DHX35: variants seen among roughly 807,000 people sequenced by gnomAD.
DHX35 encodes probable ATP-dependent RNA helicase DHX35.
In DHX35, 84 loss-of-function variants were observed where a neutral mutation model predicts 99.6. The ratio of observed to expected loss-of-function variants is 0.84; its 90% CI spans 0.71 to 1.01. The LOEUF (loss-of-function observed/expected upper bound fraction) is 1.01. Among genes scored for constraint, DHX35 ranks in the 50% least tolerant of loss-of-function variants. The probability of loss-of-function intolerance (pLI) is 0.00; values close to 1 mark genes in which losing one functional copy is unlikely to be tolerated. For missense variants in DHX35, 852 were observed against 888.5 expected (o/e 0.96, Z 0.52); for synonymous variants, 331 against 316.2 (o/e 1.05, Z -0.50).
intron 4 of DHX35, among the ~76,000 whole-genome samples, chr20:38,988,401 G>A (rs1443589311): frequency 2.0e-5 from 3 of 152,072 alleles, no homozygotes; most frequent in Admixed American, 1.3e-4. Flanking sequence ...AGGCTGAGGC[G>A]GGCAAATTGC....
rs1458448662 is a variant in DHX35 at position 39,006,159 on chromosome 20, C to T, written c.1025C>T (p.Thr342Ile). The change falls in exon 12 of 22, where the codon ACC becomes ATC. Residue 342 changes from threonine (T) to isoleucine (I), a missense_variant. Thr to Ile is a moderately conservative substitution (Grantham distance 89). Transcript: ENST00000252011. ...SRSVRKVIVA[T>I]NVAETSITIS... ...TGGGGAACGTAGGTGATAGTGGCCACCAATGTGGCAGAAACCTCTATCACA... is the reference window on the plus strand; with the variant it reads ...TGGGGAACGTAGGTGATAGTGGCCATCAATGTGGCAGAAACCTCTATCACA... The T allele has an allele frequency of 3.1e-6, 5 of 1,613,676 alleles. No homozygotes were observed. Among genetic ancestry groups the T allele is most frequent in the Non-Finnish European group, 4.2e-6 (5 of 1,179,662 alleles).
rs552231330 is a variant in DHX35, at chr20:39,001,753, A to T, written c.666A>T (p.Gln222His). The T allele has an allele frequency of 2.5e-6, 4 of 1,610,760 alleles. No individual in the cohort carries two copies. In the African/African-American group the frequency reaches 5.3e-5, roughly 22 times the overall value. The change falls in exon 9 of 22, where the codon CAA (glutamine) becomes CAT (histidine). Residue 222 changes from glutamine to histidine, a missense_variant. Coordinates refer to ENST00000252011, the MANE Select transcript of DHX35 (RefSeq NM_021931.4). ...AGAAATTCCGGGATTTCTTTAATCAAAATGAAACCAGTGATCCAGCAAGGG... is the reference window on the plus strand; with the variant it reads ...AGAAATTCCGGGATTTCTTTAATCATAATGAAACCAGTGATCCAGCAAGGG... ...DADKFRDFFNQNETSDPARDT... is the reference protein window; with the variant it reads ...DADKFRDFFNHNETSDPARDT...
intron 4 of DHX35, among the ~76,000 whole-genome samples, chr20:38,985,148 C>T (rs537095980): frequency 4.1e-4 from 62 of 151,796 alleles, no homozygotes; most frequent in Admixed American, 1.6e-3. Context: ...ATTGGGAGGC[C>T]GAGGCAAGAG....
At chr20:38,963,307 G>T (rs551288344) in intron 1 of DHX35, among the ~76,000 whole-genome samples, 1 of 152,350 alleles carries the variant, frequency 6.6e-6, no homozygotes, top group East Asian at 1.9e-4. Context: ...AGGTCTGGAT[G>T]TGCAAAGTAT....
rs1395940279 is a variant in DHX35, at chr20:38,988,877, G to A, written c.410G>A (p.Arg137His). 8 of 1,613,618 alleles carry A rather than the reference G, an allele frequency of 5.0e-6. No individual in the cohort carries two copies. The South Asian group carries it at 7.7e-5, about 16-fold the overall frequency. The change falls in exon 5 of 22, where the codon CGC becomes CAC. Residue 137 changes from arginine (R) to histidine (H), a missense_variant. By Grantham distance (29) the Arg-to-His change is conservative (BLOSUM62 0). Coordinates refer to ENST00000252011, the MANE Select transcript of DHX35 (RefSeq NM_021931.4). ...VLGHEVGYCIRFDDCTDQLAT... is the reference protein window; with the variant it reads ...VLGHEVGYCIHFDDCTDQLAT... ...GGCCACGAGGTGGGCTACTGCATCC[G>A]CTTTGATGACTGCACCGACCAGCTG...
Position 38,996,656 on chromosome 20 carries a change from C to T in DHX35, c.642+1776C>T, listed in dbSNP as rs2086434438. On this transcript the variant is annotated intron_variant, in intron 8 of 21. Transcript: ENST00000252011. ...CCCTGGCTCCTGGCTCCTAGTCTCC[C>T]TGTGGCTTCTGGGATACAGAACAAC... Among the ~76,000 whole-genome samples, 3 of 152,188 alleles carry T rather than the reference C, an allele frequency of 2.0e-5. No homozygotes were observed. In the South Asian group the frequency reaches 6.2e-4, roughly 31 times the overall value.
At chr20:39,018,064 T>G (rs1446483341) in intron 14 of DHX35, among the ~76,000 whole-genome samples, 2 of 152,146 alleles carry the variant, frequency 1.3e-5, no homozygotes, top group African/African-American at 4.8e-5. Context: ...TCAGATCTTG[T>G]GAGACTTATT....
At chr20:38,991,335 C>T (rs2086334254) in intron 5 of DHX35, 119 bp from the exon 6 acceptor site, 1 of 787,500 alleles carries the variant, frequency 1.3e-6, no homozygotes, top group Non-Finnish European at 1.9e-6. Flanking sequence ...TTCTCACAGT[C>T]CTTTGTGGGA....
chr20:39,024,728 C>T (rs999634738), intron 17 of DHX35, among the ~76,000 whole-genome samples: 2 of 152,130 alleles, frequency 1.3e-5, no homozygotes, highest in African/African-American at 4.8e-5. Flanking sequence ...CAATAATTTA[C>T]TCTAAGACAT....
At chr20:39,037,552 C>T (rs760624891) in intron 21 of DHX35, among the ~76,000 whole-genome samples, 17 of 152,124 alleles carry the variant, frequency 1.1e-4, no homozygotes, top group South Asian at 2.1e-4. Flanking sequence ...TCTCTGGGGG[C>T]GATGCGGCTT....
At chr20:39,027,839 C>A (rs1373905729) in intron 18 of DHX35, among the ~76,000 whole-genome samples, 1 of 152,144 alleles carries the variant, frequency 6.6e-6, no homozygotes, top group Non-Finnish European at 1.5e-5. Context: ...TAGCCTTTTG[C>A]ACAACAATTT....
At chr20:38,967,824 G>A (rs1457351157) in intron 1 of DHX35, among the ~76,000 whole-genome samples, 1 of 152,128 alleles carries the variant, frequency 6.6e-6, no homozygotes, top group African/African-American at 2.4e-5. Flanking sequence ...AATGGGGACT[G>A]TCATTTACCT....
intron 21 of DHX35, among the ~76,000 whole-genome samples, chr20:39,037,424 C>T (rs1457263253): frequency 2.0e-5 from 3 of 152,200 alleles, no homozygotes; most frequent in Non-Finnish European, 4.4e-5. Context: ...GATGGAAAGT[C>T]TGAGTTCTTG....
chr20:39,016,703 A>G (rs1178749007), intron 14 of DHX35, among the ~76,000 whole-genome samples: 1 of 152,084 alleles, frequency 6.6e-6, no homozygotes, highest in Non-Finnish European at 1.5e-5. Flanking sequence ...CTTTTGTGTT[A>G]TAGCCATCCT....
intron 15 of DHX35, among the ~76,000 whole-genome samples, chr20:39,021,132 A>C (rs559848208): frequency 2.6e-5 from 4 of 152,286 alleles, no homozygotes; most frequent in African/African-American, 9.6e-5. Context: ...TTGCTGGTCT[A>C]GTTGTGCCTT....
At position 38,983,728 on chromosome 20, in the gene DHX35, A is replaced by C; in HGVS notation, c.297A>C (p.Glu99Asp). 1 of 1,614,132 alleles carries C rather than the reference A, an allele frequency of 6.2e-7. No individual in the cohort carries two copies. Among genetic ancestry groups the C allele is most frequent in the Non-Finnish European group, 8.5e-7 (1 of 1,179,980 alleles). The change falls in exon 4 of 22, where the codon GAA (glutamate) becomes GAC (aspartate). Residue 99 changes from glutamate (E) to aspartate (D), a missense_variant. Glu to Asp is a conservative substitution (Grantham distance 45). Coordinates refer to ENST00000252011, the MANE Select transcript of DHX35 (RefSeq NM_021931.4). ...TTGCAGAAGCCGGCTGGACAGCTGA[A>C]GGAAGAGTGGTAGGAGTGACCCAGC... The part of the protein sequence containing the change: ...QYLAEAGWTA[E>D]GRVVGVTQPR...
chr20:39,027,536 T>C (rs2086977241), intron 18 of DHX35, among the ~76,000 whole-genome samples: 1 of 152,276 alleles, frequency 6.6e-6, no homozygotes, highest in Non-Finnish European at 1.5e-5. Flanking sequence ...GTAACACTTT[T>C]TGCCAAAACA....
chr20:39,010,440 C>G (rs750293747), intron 13 of DHX35, 36 bp downstream of exon 13: 18 of 1,609,682 alleles, frequency 1.1e-5, no homozygotes, highest in Non-Finnish European at 1.4e-5. Context: ...CATAGGGAGG[C>G]TAGGGAGCTC....
At position 38,981,481 on chromosome 20, in the gene DHX35, C is replaced by T. The variant is rs551853284; in HGVS notation, c.268-2218C>T. 3.3e-5 allele frequency among the ~76,000 whole-genome samples: 5 copies of T among 152,260 alleles called. No homozygotes were observed. In the South Asian group the frequency reaches 1.0e-3, roughly 32 times the overall value. On this transcript the variant is annotated intron_variant, in intron 3 of 21. Coordinates refer to ENST00000252011, the MANE Select transcript of DHX35 (RefSeq NM_021931.4). ...ATTTATTGTGTTGCTCAGATTGTTT[C>T]ATCTTTGAACATTAGAAGCTCCTTC... is the stretch of plus-strand genomic sequence containing the variant.
Sources: gnomAD v4.1 joint callset for allele counts (sites outside exome capture counted in the v4.1 genomes callset) on GRCh38, gnomAD v4.1.1 for gene constraint, MANE v1.5 for transcripts, NCBI Gene and HGNC (gene_info 2026-07-23, HGNC 2026-07-21) for gene names.